The following YRDC variants were observed in gnomAD, a reference collection of about 807,000 sequenced individuals.
YRDC encodes the protein threonylcarbamoyl-AMP synthase.
A neutral mutation model predicts 21.5 loss-of-function variants in YRDC; 17 were observed. The ratio of observed to expected loss-of-function variants is 0.79; its 90% CI spans 0.54 to 1.19. The LOEUF (loss-of-function observed/expected upper bound fraction) is 1.19, where lower values mean the gene tolerates loss of function less well. Ranked by LOEUF, YRDC falls within the 50% of genes most tolerant of loss-of-function variation. The probability of loss-of-function intolerance (pLI) is 0.00; values close to 1 mark genes in which losing one functional copy is unlikely to be tolerated. For missense variants in YRDC, 380 were observed against 397.1 expected, an observed-to-expected ratio of 0.96 and a Z score of 0.37; for synonymous variants, 193 against 176.7, an observed-to-expected ratio of 1.09 and a Z score of -0.73.
At chr1:37,806,096 G>A (rs1050699212) in intron 3 of YRDC, among the ~76,000 whole-genome samples, 2 of 152,194 alleles carry the variant, frequency 1.3e-5, no homozygotes, top group Non-Finnish European at 2.9e-5. Flanking sequence ...GCAGAGATAA[G>A]AGAACAGGGG....
chr1:37,808,157 C>T lies in YRDC; in HGVS notation c.24G>A (p.Arg8=), dbSNP rs773811479. The T allele has an allele frequency of 1.6e-4, 235 of 1,461,810 alleles. No individual in the cohort carries two copies. The highest frequency in any genetic ancestry group is 1.9e-4 in the Non-Finnish European group (213 of 1,111,946). The allele number at this position is 1,461,810 out of a possible 1,614,324, so 90.6% of individuals were successfully genotyped here. A position where few individuals can be genotyped will look rare whatever the true frequency, so the allele number is the denominator to read the frequency against. Residue 8 remains arginine, a synonymous_variant, in exon 1 of 5, where the codon AGG becomes AGA. Transcript: ENST00000373044. The part of the protein sequence containing the change: MSPARRC[R]GMRAAVAASV... The stretch of plus-strand genomic sequence containing the variant: ...TGGCAGCCACCGCGGCCCTCATCCC[C>T]CTGCACCGACGCGCCGGAGACATCC...
intron 3 of YRDC, 59 bp from the exon 4 acceptor site, chr1:37,804,503 A>G (rs1306730511): frequency 1.7e-5 from 26 of 1,558,286 alleles, no homozygotes; most frequent in Middle Eastern, 1.7e-4. Context: ...AATAATGTCA[A>G]ACTGCACGCA....
chr1:37,807,578 G>A (rs1476101465), intron 1 of YRDC: 4 of 961,806 alleles, frequency 4.2e-6, no homozygotes, highest in South Asian at 2.1e-5. Context: ...CAAGGGAACA[G>A]GGTCCCTGCC....
rs114963827 is a variant in YRDC, at chr1:37,806,911, C to A, written c.570G>T (p.Pro190=). Residue 190 remains proline (P), a synonymous_variant, in exon 3 of 5, where the codon CCG becomes CCT. Transcript: ENST00000373044. ...MQDLAQMFEG[P]LALTSANLSS... ...TGAGGTTGGCACTAGTGAGAGCAAG[C>A]GGACCCTCAAACATCTGAGCCAAGT... 8.7e-5 allele frequency: 140 copies of A among 1,614,164 alleles called. No homozygotes were observed. In the African/African-American group the frequency reaches 1.8e-3, roughly 21 times the overall value.
intron 1 of YRDC, 167 bp from the exon 2 acceptor site, chr1:37,807,382 G>C: frequency 1.5e-6 from 1 of 689,014 alleles, no homozygotes; most frequent in Admixed American, 2.8e-5. Context: ...GGGCTCCAGA[G>C]GCGCACCCCT....
chr1:37,807,411 C>A, intron 1 of YRDC, 196 bp from the exon 2 acceptor site: 1 of 626,102 alleles, frequency 1.6e-6, no homozygotes, highest in Non-Finnish European at 2.8e-6. Flanking sequence ...GCCCATGTGC[C>A]TCTGGTCTCA....
At position 37,808,041 on chromosome 1, in the gene YRDC, A is replaced by C. The variant is rs1328095243; in HGVS notation, c.140T>G (p.Leu47Arg). The change falls in exon 1 of 5, where the codon CTG becomes CGG. Residue 47 changes from leucine to arginine, a missense_variant. Leu to Arg is a moderately radical substitution (Grantham distance 102). Around this residue, in one of 3 missense-constraint regions of YRDC, gnomAD observed 51 missense variants for 95.9 expected, o/e 0.53. Transcript: ENST00000373044. The stretch of plus-strand genomic sequence containing the variant: ...GGCCCCGCTCCCCGGGAGCCGCAAC[A>C]GCCGGGCGCCGGGGGCCGCCGGAGC... Reference protein sequence around the residue: ...SPAPAAPGARLLRLPGSGAVQ... With the variant: ...SPAPAAPGARRLRLPGSGAVQ... 3 of 1,307,180 alleles carry C rather than the reference A, an allele frequency of 2.3e-6. No homozygotes were observed. Among genetic ancestry groups the C allele is most frequent in the East Asian group, 6.3e-5 (2 of 31,712 alleles). The allele number at this position is 1,307,180 out of a possible 1,614,324, so 81.0% of individuals were successfully genotyped here. A position where few individuals can be genotyped will look rare whatever the true frequency, so the allele number is the denominator to read the frequency against.
chr1:37,807,792 C>A lies in YRDC; in HGVS notation c.389G>T (p.Arg130Ile). Residue 130 changes from arginine (R) to isoleucine (I), a missense_variant and splice_region_variant, in exon 1 of 5, where the codon AGA (arginine) becomes ATA (isoleucine). Arg to Ile is a moderately conservative substitution (Grantham distance 97). Transcript: ENST00000373044. ...CGGGGCCGGGTCGGGGCGGCCTTACCTGTAGACGTCGGCCACGCGGCCGAG... is the reference window on the plus strand; with the variant it reads ...CGGGGCCGGGTCGGGGCGGCCTTACATGTAGACGTCGGCCACGCGGCCGAG... Reference protein sequence around the residue: ...VCLGRVADVYRYCRVRVPEGL... With the variant: ...VCLGRVADVYIYCRVRVPEGL... The A allele has an allele frequency of 6.6e-7, 1 of 1,509,826 alleles. No homozygotes were observed. Among genetic ancestry groups the A allele is most frequent in the Non-Finnish European group, 8.8e-7 (1 of 1,133,520 alleles). The allele number at this position is 1,509,826 out of a possible 1,614,324, so 93.5% of individuals were successfully genotyped here.
chr1:37,804,046 A>G, intron 4 of YRDC, 49 bp from the exon 5 acceptor site: 1 of 1,604,264 alleles, frequency 6.2e-7, no homozygotes, highest in South Asian at 1.1e-5. Flanking sequence ...AGAAGTCCCG[A>G]GCCCACCAGA....
chr1:37,807,415 G>A, intron 1 of YRDC, 200 bp from the exon 2 acceptor site: 1 of 619,668 alleles, frequency 1.6e-6, no homozygotes, highest in Non-Finnish European at 2.8e-6. Context: ...ATGTGCCTCT[G>A]GTCTCAGGGA....
intron 3 of YRDC, among the ~76,000 whole-genome samples, chr1:37,806,288 C>T (rs752011131): frequency 2.0e-5 from 3 of 152,014 alleles, no homozygotes; most frequent in South Asian, 4.1e-4. Context: ...GTAACCTCTG[C>T]CTCCCAGGTT....
intron 1 of YRDC, 113 bp downstream of exon 1, chr1:37,807,679 T>C: frequency 7.5e-7 from 1 of 1,338,518 alleles, no homozygotes; most frequent in Non-Finnish European, 9.6e-7. Flanking sequence ...CCGGATTCCT[T>C]GGTGAGCCTG....
At chr1:37,805,322 A>G (rs1385722631) in intron 3 of YRDC, among the ~76,000 whole-genome samples, 1 of 152,228 alleles carries the variant, frequency 6.6e-6, no homozygotes, top group African/African-American at 2.4e-5. Context: ...GTAACCTGGA[A>G]CAAGTGATTC....
chr1:37,804,398 C>A lies in YRDC; in HGVS notation c.671G>T (p.Gly224Val). The change falls in exon 4 of 5, where the codon GGA becomes GTA. Residue 224 changes from glycine to valine, a missense_variant. This residue lies in a region of YRDC where 238 missense variants were observed against 236.5 expected (regional missense o/e 1.01). Transcript: ENST00000373044. ...WPQLSLVIDG[G>V]QIGDGQSPEC... ...GGGGCTCTGGCCATCCCCAATTTGTCCCCCATCAATAACCAAGGACAACTG... is the reference window on the plus strand; with the variant it reads ...GGGGCTCTGGCCATCCCCAATTTGTACCCCATCAATAACCAAGGACAACTG... The A allele has an allele frequency of 6.2e-7, 1 of 1,614,144 alleles. No individual in the cohort carries two copies. The highest frequency in any genetic ancestry group is 8.5e-7 in the Non-Finnish European group (1 of 1,180,006).
At chr1:37,806,164 G>T (rs1646734032) in intron 3 of YRDC, among the ~76,000 whole-genome samples, 1 of 151,732 alleles carries the variant, frequency 6.6e-6, no homozygotes, top group African/African-American at 2.4e-5. Context: ...GTGTGACCTG[G>T]AACAAGTGAT....
At chr1:37,806,235 C>G (rs1034301574) in intron 3 of YRDC, among the ~76,000 whole-genome samples, 3 of 150,758 alleles carry the variant, frequency 2.0e-5, no homozygotes, top group African/African-American at 7.3e-5. Context: ...GAGTCTCGCT[C>G]TAGAGCCCTG....
chr1:37,803,853 CCTT>C lies in YRDC; in HGVS notation c.*69_*71del. The C allele has an allele frequency of 1.3e-6, 2 of 1,560,588 alleles. No homozygotes were observed. Among genetic ancestry groups the C allele is most frequent in the Non-Finnish European group, 1.8e-6 (2 of 1,136,206 alleles). On this transcript the variant is annotated 3_prime_UTR_variant, in exon 5 of 5. Coordinates refer to ENST00000373044, the MANE Select transcript of YRDC (RefSeq NM_024640.4). ...GCTCCGGTGGCCTCTGCAAATGAGG[CCTT>C]GACAGTCGTCAGTGGACAGACACAT...
rs1167223514 is a variant in YRDC at position 37,807,881 on chromosome 1, C to A, written c.300G>T (p.Ser100=). The change falls in exon 1 of 5, where the codon TCG becomes TCT. Residue 100 remains serine, a synonymous_variant. Transcript: ENST00000373044. Reference sequence around the variant, plus strand: ...GGCGGTACACAGCGCGCAGAGCCGCCGAGCAGCTCGCCGCGCAGGCCAGGC... The same window carrying A: ...GGCGGTACACAGCGCGCAGAGCCGCAGAGCAGCTCGCCGCGCAGGCCAGGC... The part of the protein sequence containing the change: ...LYGLACAASC[S]AALRAVYRLK... 1.4e-6 allele frequency: 2 copies of A among 1,456,860 alleles called. No homozygotes were observed. 90.2% of individuals were successfully genotyped at this position (1,456,860 alleles called of 1,614,324 possible). A position where few individuals can be genotyped will look rare whatever the true frequency, so the allele number is the denominator to read the frequency against.
chr1:37,806,723 G>T, intron 3 of YRDC, 134 bp downstream of exon 3: 1 of 1,396,054 alleles, frequency 7.2e-7, no homozygotes, highest in Non-Finnish European at 9.7e-7. Flanking sequence ...CTCCCTGCCA[G>T]CTGGGCAACC....
Sources: allele counts gnomAD v4.1 joint callset (sites outside exome capture counted in the v4.1 genomes callset), GRCh38; gene constraint gnomAD v4.1.1; regional missense constraint gnomAD v4.1.1; transcripts MANE v1.5; gene names NCBI Gene and HGNC (gene_info 2026-07-23, HGNC 2026-07-21).